Variants in GRM8 observed in about 807,000 individuals in gnomAD.
GRM8 encodes metabotropic glutamate receptor 8.
A neutral mutation model predicts 87.2 loss-of-function variants in GRM8; 47 were observed. The observed-to-expected ratio is 0.54, with a 90% CI of 0.43 to 0.69. GRM8 has a LOEUF of 0.69. GRM8 is among the 30% of genes least tolerant of loss of function. The pLI is 0.00. For synonymous variants in GRM8, 396 were observed against 404.5 expected (o/e 0.98, Z 0.25); for missense variants, 1,019 against 1,139.2 (o/e 0.89, Z 1.52).
At chr7:127,198,714 GAT>G (rs1795425201) in intron 2 of GRM8, among the ~76,000 whole-genome samples, 1 of 151,628 alleles carries the variant, frequency 6.6e-6, no homozygotes, top group African/African-American at 2.4e-5. Context: ...TGTCACCCAG[GAT>G]AGAGTCTGGA....
chr7:126,728,416 G>A (rs1255683944), intron 7 of GRM8, among the ~76,000 whole-genome samples: 1 of 152,062 alleles, frequency 6.6e-6, no homozygotes, highest in Non-Finnish European at 1.5e-5. Flanking sequence ...AGATCCCATT[G>A]CAGAGCAGTA....
At chr7:127,227,334 A>T (rs945443166) in intron 2 of GRM8, among the ~76,000 whole-genome samples, 1 of 152,228 alleles carries the variant, frequency 6.6e-6, no homozygotes, top group African/African-American at 2.4e-5. Context: ...GGTGAAAATG[A>T]GTAGTTTGTT....
At chr7:127,042,733 C>G (rs544861096) in intron 3 of GRM8, among the ~76,000 whole-genome samples, 4 of 152,268 alleles carry the variant, frequency 2.6e-5, no homozygotes, top group East Asian at 3.9e-4. Flanking sequence ...ACACCAAAAG[C>G]AATGGCAACA....
intron 4 of GRM8, among the ~76,000 whole-genome samples, 174 bp downstream of exon 4, chr7:126,904,374 T>C (rs1035767362): frequency 6.6e-6 from 1 of 152,198 alleles, no homozygotes; most frequent in Admixed American, 6.5e-5. Context: ...CCTTTGTTTG[T>C]CTTATCTCAT....
chr7:126,532,767 A>G (rs1255111116), intron 9 of GRM8, among the ~76,000 whole-genome samples, 185 bp downstream of exon 9: 4 of 3,552 alleles, frequency 1.1e-3, no homozygotes, highest in Non-Finnish European at 2.1e-3. Flanking sequence ...GGATGGAGAT[A>G]TATATATATA....
chr7:126,898,684 T>C (rs1383573278), intron 6 of GRM8, among the ~76,000 whole-genome samples: 1 of 152,234 alleles, frequency 6.6e-6, no homozygotes, highest in Non-Finnish European at 1.5e-5. Flanking sequence ...TCAGTATTTG[T>C]GCCTGAAATA....
intron 3 of GRM8, among the ~76,000 whole-genome samples, chr7:127,043,957 T>G (rs1818685009): frequency 6.6e-6 from 1 of 152,138 alleles, no homozygotes; most frequent in South Asian, 2.1e-4. Flanking sequence ...ACAAACTTGA[T>G]TTGTTTTACC....
At chr7:126,640,735 T>TC (rs1009104029) in intron 7 of GRM8, among the ~76,000 whole-genome samples, 3 of 151,866 alleles carry the variant, frequency 2.0e-5, no homozygotes, top group Admixed American at 6.6e-5. Context: ...TTCTGGACCT[T>TC]CCCCCCCTCC....
At chr7:126,866,932 A>T (rs1011817047) in intron 6 of GRM8, among the ~76,000 whole-genome samples, 4 of 152,036 alleles carry the variant, frequency 2.6e-5, no homozygotes, top group African/African-American at 2.4e-5. Context: ...GGTAATTTTT[A>T]AAGTGGTTAT....
intron 2 of GRM8, among the ~76,000 whole-genome samples, chr7:127,189,754 A>T (rs1425237358): frequency 6.6e-6 from 1 of 152,192 alleles, no homozygotes; most frequent in East Asian, 1.9e-4. Flanking sequence ...GGTTAAAACT[A>T]TTCTGTGACC....
At chr7:127,146,360 G>A (rs11563705) in intron 2 of GRM8, among the ~76,000 whole-genome samples, 12,687 of 151,938 alleles carry the variant, frequency 0.084, 1,753 homozygotes, top group African/African-American at 0.29. Flanking sequence ...TCCCTTGCAT[G>A]GCAATTTCTG....
At chr7:126,560,500 T>C (rs1793586976) in intron 8 of GRM8, among the ~76,000 whole-genome samples, 1 of 152,160 alleles carries the variant, frequency 6.6e-6, no homozygotes, top group Non-Finnish European at 1.5e-5. Flanking sequence ...TAAAAATCTC[T>C]GCATAGAGAT....
intron 6 of GRM8, among the ~76,000 whole-genome samples, chr7:126,846,647 T>C (rs1054639812): frequency 6.6e-6 from 1 of 152,126 alleles, no homozygotes; most frequent in African/African-American, 2.4e-5. Flanking sequence ...TGGACATTAA[T>C]ACCATGACAT....
rs138184074 is a variant in GRM8 at position 127,177,145 on chromosome 7, C to T, written c.510+65550G>A. Among the ~76,000 whole-genome samples the T allele has an allele frequency of 2.1e-4, 32 of 152,228 alleles. No homozygotes were observed. In the East Asian group the frequency reaches 5.0e-3, roughly 24 times the overall value. On this transcript the variant is annotated intron_variant, in intron 2 of 10. Coordinates refer to ENST00000339582, the MANE Select transcript of GRM8 (RefSeq NM_000845.3). ...CACACCCTCCGCCAGGAAACAGACT[C>T]GGGGCTACTGGGGGTGGGGGCACAG...
intron 2 of GRM8, among the ~76,000 whole-genome samples, chr7:127,156,003 T>C (rs117741128): frequency 2.0e-5 from 3 of 152,274 alleles, no homozygotes; most frequent in East Asian, 1.9e-4. Context: ...CCAGAGCCCA[T>C]TGTTGTAAGA....
chr7:126,517,782 C>T (rs1475890274), intron 9 of GRM8, among the ~76,000 whole-genome samples: 1 of 152,024 alleles, frequency 6.6e-6, no homozygotes, highest in Non-Finnish European at 1.5e-5. Flanking sequence ...AAAGCACCTG[C>T]TTTTGAAGGT....
intron 8 of GRM8, among the ~76,000 whole-genome samples, chr7:126,557,659 T>C (rs1232383980): frequency 1.3e-5 from 2 of 152,234 alleles, no homozygotes; most frequent in African/African-American, 2.4e-5. Flanking sequence ...AAAGTTTTAA[T>C]GTTTTCTTAG....
chr7:126,439,821 G>A (rs1801246693), intron 10 of GRM8, among the ~76,000 whole-genome samples: 1 of 42,054 alleles, frequency 2.4e-5, no homozygotes, highest in Admixed American at 2.5e-4. Context: ...TGGAGGCCTA[G>A]GCTAGTGTGT....
At chr7:126,523,557 G>A (rs542756208) in intron 9 of GRM8, among the ~76,000 whole-genome samples, 4 of 150,510 alleles carry the variant, frequency 2.7e-5, no homozygotes, top group South Asian at 2.1e-4. Context: ...AGTGCAGTGC[G>A]CATAATCTCA....
Sources: gnomAD v4.1 joint callset for allele counts (sites outside exome capture counted in the v4.1 genomes callset) on GRCh38, gnomAD v4.1.1 for gene constraint, MANE v1.5 for transcripts, NCBI Gene and HGNC (gene_info 2026-07-23, HGNC 2026-07-21) for gene names.